Variants in WDR4 observed in about 807,000 individuals in gnomAD.
WDR4 encodes the protein tRNA (guanine-N(7)-)-methyltransferase non-catalytic subunit WDR4.
In WDR4, 47 loss-of-function variants were observed where a neutral mutation model predicts 48.6. The ratio of observed to expected loss-of-function variants is 0.97; its 90% CI spans 0.77 to 1.23. WDR4 has a LOEUF of 1.23. Ranked by LOEUF, WDR4 falls within the 50% of genes most tolerant of loss-of-function variation. WDR4 has a pLI of 0.00. For missense variants in WDR4, 606 were observed against 551.6 expected, an observed-to-expected ratio of 1.10 and a Z score of -0.99; for synonymous variants, 268 against 230.0, an observed-to-expected ratio of 1.17 and a Z score of -1.49.
intron 3 of WDR4, among the ~76,000 whole-genome samples, chr21:42,864,081 TG>T (rs71194081): frequency 0.22 from 9,798 of 44,600 alleles, 1,278 homozygotes; most frequent in African/African-American, 0.26. Flanking sequence ...CACTCCAGCC[TG>T]GGGCGACAGA....
intron 6 of WDR4, among the ~76,000 whole-genome samples, chr21:42,858,040 C>T (rs1448734844): frequency 1.3e-5 from 2 of 152,118 alleles, no homozygotes; most frequent in South Asian, 2.1e-4. Context: ...TGCAGTGAAC[C>T]GAGATCACGC....
At chr21:42,854,654 C>G in intron 7 of WDR4, 28 bp from the exon 8 acceptor site, 1 of 1,609,376 alleles carries the variant, frequency 6.2e-7, no homozygotes, top group Non-Finnish European at 8.5e-7. Context: ...CCATTAACTT[C>G]ACGCCACCTG....
chr21:42,862,283 C>T lies in WDR4; in HGVS notation c.565G>A (p.Glu189Lys). 6.2e-7 allele frequency: 1 copy of T among 1,603,148 alleles called. No individual in the cohort carries two copies. Among genetic ancestry groups the T allele is most frequent in the Non-Finnish European group, 8.5e-7 (1 of 1,174,524 alleles). ...SIESFCLGHT[E>K]FVSRISVVPT... ...GGAGGGGCAGGAAGGGGCACTCACTCTGTGTGCCCCAAGCAGAAGGACTCG... is the reference window on the plus strand; with the variant it reads ...GGAGGGGCAGGAAGGGGCACTCACTTTGTGTGCCCCAAGCAGAAGGACTCG... Residue 189 changes from glutamate to lysine, a missense_variant and splice_region_variant, in exon 5 of 11, where the codon GAG becomes AAG. By Grantham distance (56) the Glu-to-Lys change is moderately conservative. Transcript: ENST00000398208. The surrounding 1 kb of genome is among the most constrained non-coding windows in gnomAD (Gnocchi z 4.3).
upstream of WDR4, among the ~76,000 whole-genome samples, chr21:42,884,177 A>T (rs984827992): frequency 1.3e-5 from 2 of 152,210 alleles, no homozygotes; most frequent in Non-Finnish European, 2.9e-5. Context: ...TTATCTGCTC[A>T]TTGGTTGATA....
intron 10 of WDR4, among the ~76,000 whole-genome samples, chr21:42,851,687 C>A (rs547056195): frequency 1.3e-5 from 2 of 152,176 alleles, no homozygotes; most frequent in African/African-American, 4.8e-5. Flanking sequence ...TCGTCCAGCT[C>A]CTCCCTCAGC....
chr21:42,864,998 T>C (rs943852994), intron 3 of WDR4, among the ~76,000 whole-genome samples: 1 of 152,074 alleles, frequency 6.6e-6, no homozygotes, highest in Non-Finnish European at 1.5e-5. Context: ...CCCGGCCCAC[T>C]GCGGCTGGAA....
intron 5 of WDR4, among the ~76,000 whole-genome samples, chr21:42,860,255 G>A (rs1321555998): frequency 1.3e-5 from 2 of 152,180 alleles, no homozygotes; most frequent in African/African-American, 4.8e-5. Flanking sequence ...CAACAACTCT[G>A]AGTGACCTGG....
At chr21:42,878,750 G>A (rs1007006934) in intron 1 of WDR4, among the ~76,000 whole-genome samples, 19 of 152,172 alleles carry the variant, frequency 1.2e-4, no homozygotes, top group African/African-American at 3.6e-4. Context: ...ACTAAGGAAG[G>A]AGAATAAAAT....
chr21:42,847,207 C>T (rs761076666), downstream of WDR4, among the ~76,000 whole-genome samples: 9 of 152,310 alleles, frequency 5.9e-5, no homozygotes, highest in South Asian at 2.1e-4. Flanking sequence ...AGGGTGGCGA[C>T]ATCTCACAGA....
upstream of WDR4, among the ~76,000 whole-genome samples, chr21:42,880,358 A>C (rs1270130047): frequency 6.6e-6 from 1 of 152,132 alleles, no homozygotes; most frequent in Non-Finnish European, 1.5e-5. Flanking sequence ...CAGGCACAAA[A>C]TCTAGGATCT....
chr21:42,878,041 C>CA (rs60952239), intron 1 of WDR4, among the ~76,000 whole-genome samples: 71,024 of 114,532 alleles, frequency 0.62, 20,531 homozygotes, highest in African/African-American at 0.65. Context: ...CGAGACTCCT[C>CA]AAAAAAAAAA....
At chr21:42,892,329 C>T in the WDR4 span, among the ~76,000 whole-genome samples, 1 of 151,738 alleles carries the variant, frequency 6.6e-6, no homozygotes, top group African/African-American at 2.4e-5. Context: ...CAAAGGATCC[C>T]TTCTCATGAT....
the WDR4 span, among the ~76,000 whole-genome samples, chr21:42,891,369 C>G: frequency 6.6e-6 from 1 of 151,690 alleles, no homozygotes; most frequent in Admixed American, 6.6e-5. Context: ...CCCCCTCAAC[C>G]ATAGGTACCC....
upstream of WDR4, chr21:42,879,788 C>A (rs2058591609): frequency 2.3e-6 from 1 of 429,642 alleles, no homozygotes; most frequent in Non-Finnish European, 4.1e-6. Context: ...TTCCTCTAGA[C>A]GGGGTAGGGC....
At chr21:42,871,434 G>A (rs76296409) in intron 3 of WDR4, among the ~76,000 whole-genome samples, 2 of 152,238 alleles carry the variant, frequency 1.3e-5, no homozygotes, top group African/African-American at 4.8e-5. Flanking sequence ...TCCCTGTGGA[G>A]GGGCTCAGAG....
intron 7 of WDR4, 139 bp from the exon 8 acceptor site, chr21:42,854,765 G>A (rs1289411578): frequency 3.3e-5 from 25 of 747,486 alleles, no homozygotes; most frequent in Non-Finnish European, 4.5e-5. Flanking sequence ...GGAACATTCT[G>A]GAATCAGTGG....
In WDR4 at chr21:42,859,732, CGA is replaced by C. The variant is rs751038117; in HGVS notation, c.567-12_567-11del. 2 of 1,555,414 alleles carry C rather than the reference CGA, an allele frequency of 1.3e-6. No individual in the cohort carries two copies. Among genetic ancestry groups the C allele is most frequent in the East Asian group, 2.4e-5 (1 of 41,156 alleles). On this transcript the variant is annotated splice_polypyrimidine_tract_variant and intron_variant, in intron 5 of 10. Coordinates refer to ENST00000398208, the MANE Select transcript of WDR4 (RefSeq NM_018669.6). The stretch of plus-strand genomic sequence containing the variant: ...GATACGGCTCACAAACCTGTGAGGG[CGA>C]GAGAGAGCGGCAGAGTCAGCGAGCC...
At chr21:42,858,785 T>G (rs66617728) in intron 6 of WDR4, among the ~76,000 whole-genome samples, 28,685 of 152,080 alleles carry the variant, frequency 0.19, 2,949 homozygotes, top group Non-Finnish European at 0.21. Flanking sequence ...TGTGTTAATT[T>G]GAAGAGCAGG....
rs1452374627 is a variant in WDR4 at position 42,862,544 on chromosome 21, C to A, written c.454-150G>T. On this transcript the variant is annotated intron_variant, in intron 4 of 10. Coordinates refer to ENST00000398208, the MANE Select transcript of WDR4 (RefSeq NM_018669.6). This position sits in a 1 kb window ranked among gnomAD's most constrained non-coding sequence, Gnocchi z 4.3. ...ACCAGCGTGGCTCCTCCCCTCCTCC[C>A]GTCCCTACGTCTAATTGGTGGCCCT... 3 of 661,984 alleles carry A rather than the reference C, an allele frequency of 4.5e-6. No homozygotes were observed. Among genetic ancestry groups the A allele is most frequent in the African/African-American group, 1.8e-5 (1 of 55,152 alleles). The allele number at this position is 661,984 out of a possible 1,614,324, so 41.0% of individuals were successfully genotyped here.
Sources: allele counts gnomAD v4.1 joint callset (sites outside exome capture counted in the v4.1 genomes callset), GRCh38; gene constraint gnomAD v4.1.1; non-coding constraint Gnocchi (gnomAD v3.1); transcripts MANE v1.5; gene names NCBI Gene and HGNC (gene_info 2026-07-23, HGNC 2026-07-21).